CDC14B: variants seen among roughly 807,000 people sequenced by gnomAD.
CDC14B encodes cell division cycle 14B.
CDC14B carries 22 observed loss-of-function variants against 64.2 expected under a neutral mutation model. The observed-to-expected ratio is 0.34, with a 90% CI of 0.24 to 0.49. The LOEUF (loss-of-function observed/expected upper bound fraction) is 0.49, where lower values mean the gene tolerates loss of function less well. Among genes scored for constraint, CDC14B ranks in the 20% least tolerant of loss-of-function variants. CDC14B has a pLI of 0.99. For missense variants in CDC14B, 498 were observed against 629.9 expected, an observed-to-expected ratio of 0.79 and a Z score of 2.24; for synonymous variants, 191 against 215.8, an observed-to-expected ratio of 0.89 and a Z score of 1.01.
At chr9:96,587,083 C>CA (rs1564374051) in intron 1 of CDC14B, among the ~76,000 whole-genome samples, 1 of 151,950 alleles carries the variant, frequency 6.6e-6, no homozygotes, top group African/African-American at 2.4e-5. Flanking sequence ...TGAGGCAGGA[C>CA]AATCGCTTGA....
intron 1 of CDC14B, among the ~76,000 whole-genome samples, chr9:96,571,107 A>G (rs2118002760): frequency 6.6e-6 from 1 of 152,350 alleles, no homozygotes; most frequent in East Asian, 1.9e-4. Flanking sequence ...CTAATATCAC[A>G]TATTTATAAA....
chr9:96,514,785 C>CG, intron 12 of CDC14B: 1 of 985,472 alleles, frequency 1.0e-6, no homozygotes, highest in Admixed American at 6.1e-5. Flanking sequence ...CGGACACACC[C>CG]GCCTTCTGGG....
chr9:96,592,064 C>T (rs761355127), intron 1 of CDC14B, among the ~76,000 whole-genome samples: 1 of 151,580 alleles, frequency 6.6e-6, no homozygotes, highest in Non-Finnish European at 1.5e-5. Flanking sequence ...TTTCTTTCAG[C>T]AATGTAAAAC....
Position 96,515,558 on chromosome 9 carries a change from T to C in CDC14B, c.1344-5769A>G, listed in dbSNP as rs538918347. On this transcript the variant is annotated intron_variant, in intron 12 of 13. Transcript: ENST00000375241. This position sits in a 1 kb window ranked among gnomAD's most constrained non-coding sequence, Gnocchi z 4.3. ...TTGAAAATAGGCAAACCAACAAAGC[T>C]AGGAGCTGACAAGGAGAAAAACATG... 7.1e-6 allele frequency: 9 copies of C among 1,263,728 alleles called. No homozygotes were observed. In the South Asian group the frequency reaches 7.5e-5, roughly 11 times the overall value. The allele number at this position is 1,263,728 out of a possible 1,614,324, so 78.3% of individuals were successfully genotyped here. A position where few individuals can be genotyped will look rare whatever the true frequency, so the allele number is the denominator to read the frequency against.
At position 96,551,195 on chromosome 9, in the gene CDC14B, C is replaced by T. The variant is rs1841783147; in HGVS notation, c.497+601G>A. 2.7e-5 allele frequency among the ~76,000 whole-genome samples: 4 copies of T among 147,186 alleles called. No individual in the cohort carries two copies. The South Asian group carries it at 8.9e-4, about 33-fold the overall frequency. On this transcript the variant is annotated intron_variant, in intron 5 of 13. Coordinates refer to ENST00000375241, the MANE Select transcript of CDC14B (RefSeq NM_033331.4). ...TGGTATGACCATAGCTCACTCACTG[C>T]ACCCTCGAACTCCTAGGCTCAAACA...
chr9:96,534,073 A>G lies in CDC14B; in HGVS notation c.800T>C (p.Met267Thr), dbSNP rs747120736. ...ATCCGTAAAGCGTTTGGCATCATAC[A>G]TCCTTTTATTCAGACGAATAATGGT... The part of the protein sequence containing the change: ...VTTIIRLNKR[M>T]YDAKRFTDAG... Residue 267 changes from methionine to threonine, a missense_variant, in exon 9 of 14, where the codon ATG (methionine) becomes ACG (threonine). Physicochemically the swap from Met to Thr is moderately conservative, Grantham distance 81. Transcript: ENST00000375241. The G allele has an allele frequency of 2.5e-6, 4 of 1,612,864 alleles. No individual in the cohort carries two copies. The highest frequency in any genetic ancestry group is 2.2e-5 in the East Asian group (1 of 44,870).
chr9:96,521,092 T>G (rs1303585860), intron 12 of CDC14B, among the ~76,000 whole-genome samples: 1 of 152,086 alleles, frequency 6.6e-6, no homozygotes, highest in Non-Finnish European at 1.5e-5. Context: ...TTTTTTGAGA[T>G]AGAGTCTCAC....
intron 1 of CDC14B, among the ~76,000 whole-genome samples, chr9:96,566,522 A>G (rs1843967674): frequency 6.6e-6 from 1 of 152,236 alleles, no homozygotes; most frequent in Non-Finnish European, 1.5e-5. Context: ...ACAGAGCCCA[A>G]GGATCTCGCT....
chr9:96,544,213 C>T (rs1840482437), intron 5 of CDC14B, among the ~76,000 whole-genome samples: 1 of 151,614 alleles, frequency 6.6e-6, no homozygotes, highest in Non-Finnish European at 1.5e-5. Context: ...GCGAGACTCC[C>T]ATCTCAAAAA....
chr9:96,562,284 T>G (rs773658155), intron 4 of CDC14B, among the ~76,000 whole-genome samples: 8 of 152,160 alleles, frequency 5.3e-5, no homozygotes, highest in Non-Finnish European at 1.0e-4. Context: ...TAAAAAAATT[T>G]TTAGAAAATT....
At chr9:96,554,260 C>CT (rs1842212303) in intron 4 of CDC14B, among the ~76,000 whole-genome samples, 1 of 152,112 alleles carries the variant, frequency 6.6e-6, no homozygotes, top group Non-Finnish European at 1.5e-5. Context: ...AGAATAGAGT[C>CT]TGATTCATCT....
In CDC14B at chr9:96,583,951, C is replaced by G. The variant is rs190362570; in HGVS notation, c.161-18468G>C. On this transcript the variant is annotated intron_variant, in intron 1 of 13. Coordinates refer to ENST00000375241, the MANE Select transcript of CDC14B (RefSeq NM_033331.4). ...GCCAGGATGGTCTCGATCTCCTGAC[C>G]TCGTGATCCGCCTGCCTCGGCCTCC... is the stretch of plus-strand genomic sequence containing the variant. Among the ~76,000 whole-genome samples, 1,194 of 152,224 alleles carry G rather than the reference C, an allele frequency of 7.8e-3. 4 individuals are homozygous for G. Among genetic ancestry groups the G allele is most frequent in the Non-Finnish European group, 0.014 (956 of 68,022 alleles).
In CDC14B at chr9:96,593,022, G is replaced by A. The variant is rs118134758; in HGVS notation, c.160+26197C>T. Among the ~76,000 whole-genome samples the A allele has an allele frequency of 1.4e-3, 215 of 152,194 alleles. 3 individuals carry two copies. In the East Asian group the frequency reaches 0.035, roughly 25 times the overall value. On this transcript the variant is annotated intron_variant, in intron 1 of 13. Coordinates refer to ENST00000375241, the MANE Select transcript of CDC14B (RefSeq NM_033331.4). ...GTTAAATAAAATTAAAATGTTTGCC[G>A]TAAGAGTTGTTAACTGCTCAGAAAA... is the stretch of plus-strand genomic sequence containing the variant.
At chr9:96,538,673 C>T (rs1236787509) in intron 7 of CDC14B, 1 of 157,946 alleles carries the variant, frequency 6.3e-6, no homozygotes, top group Non-Finnish European at 1.4e-5. Flanking sequence ...TGCAGTGAGC[C>T]ATGTATACCA....
chr9:96,533,249 G>C (rs1587850593), intron 9 of CDC14B, among the ~76,000 whole-genome samples: 1 of 152,232 alleles, frequency 6.6e-6, no homozygotes. Context: ...GATTATAGGC[G>C]TGAGCCACCA....
Position 96,515,505 on chromosome 9 carries a change from T to C in CDC14B, c.1344-5716A>G. ...CCTTCCCTCCCCACCACCATCCCAT[T>C]AATTGAAAAGATTCAGAAAAAGAAC... On this transcript the variant is annotated intron_variant, in intron 12 of 13. Coordinates refer to ENST00000375241, the MANE Select transcript of CDC14B (RefSeq NM_033331.4). The surrounding 1 kb of genome is among the most constrained non-coding windows in gnomAD (Gnocchi z 4.3). 1.3e-6 allele frequency: 1 copy of C among 747,466 alleles called. No individual in the cohort carries two copies. Among genetic ancestry groups the C allele is most frequent in the South Asian group, 2.4e-5 (1 of 42,228 alleles). The allele number at this position is 747,466 out of a possible 1,614,324, so 46.3% of individuals were successfully genotyped here.
At chr9:96,582,004 G>C (rs1176880427) in intron 1 of CDC14B, among the ~76,000 whole-genome samples, 3 of 152,162 alleles carry the variant, frequency 2.0e-5, no homozygotes, top group African/African-American at 7.2e-5. Context: ...CTGACTCCCA[G>C]TGCGCTTCAT....
intron 1 of CDC14B, among the ~76,000 whole-genome samples, chr9:96,594,714 C>CAAAAAAAAA (rs11414625): frequency 4.7e-5 from 2 of 42,416 alleles, no homozygotes; most frequent in Non-Finnish European, 8.9e-5. Flanking sequence ...AAGGCTGTCT[C>CAAAAAAAAA]AAAAAAAAAA....
chr9:96,573,204 G>A (rs1441066193), intron 1 of CDC14B, among the ~76,000 whole-genome samples: 1 of 152,186 alleles, frequency 6.6e-6, no homozygotes, highest in Non-Finnish European at 1.5e-5. Flanking sequence ...CCAGCTACTT[G>A]GGAGGCTGAG....
Sources: gnomAD v4.1 joint callset for allele counts (sites outside exome capture counted in the v4.1 genomes callset) on GRCh38, gnomAD v4.1.1 for gene constraint, Gnocchi (gnomAD v3.1) non-coding constraint, MANE v1.5 for transcripts, NCBI Gene and HGNC (gene_info 2026-07-23, HGNC 2026-07-21) for gene names.